The following RHBDL3 variants were observed in gnomAD, a reference collection of about 807,000 sequenced individuals.
RHBDL3 encodes rhomboid like 3, also known as rhomboid-related protein 3.
In RHBDL3, 28 loss-of-function variants were observed where a neutral mutation model predicts 48.2. The observed-to-expected ratio is 0.58, with a 90% CI of 0.43 to 0.80. RHBDL3 has a LOEUF of 0.80. RHBDL3 is among the 30% of genes least tolerant of loss of function. The pLI, the probability that RHBDL3 is intolerant of heterozygous loss-of-function variation, is 0.00. For synonymous variants in RHBDL3, 208 were observed against 232.3 expected (o/e 0.90, Z 0.95); for missense variants, 464 against 542.7 (o/e 0.85, Z 1.44).
intron 5 of RHBDL3, among the ~76,000 whole-genome samples, chr17:32,295,923 AG>A (rs1384807301): frequency 6.6e-6 from 1 of 152,200 alleles, no homozygotes; most frequent in Non-Finnish European, 1.5e-5. Flanking sequence ...AGGTGTTCAC[AG>A]GGTCAGAAAA....
At chr17:32,286,043 C>T (rs1028143878) in intron 3 of RHBDL3, among the ~76,000 whole-genome samples, 4 of 152,068 alleles carry the variant, frequency 2.6e-5, no homozygotes, top group African/African-American at 7.2e-5. Flanking sequence ...GAGCAAGGGA[C>T]AGAGCTGAGC....
intron 2 of RHBDL3, among the ~76,000 whole-genome samples, chr17:32,276,461 G>A (rs932230091): frequency 6.6e-6 from 1 of 152,168 alleles, no homozygotes; most frequent in East Asian, 1.9e-4. Flanking sequence ...ATCCATGAAA[G>A]GGCCAGAGTT....
chr17:32,304,619 A>T (rs1274625015), intron 6 of RHBDL3, among the ~76,000 whole-genome samples: 1 of 152,164 alleles, frequency 6.6e-6, no homozygotes, highest in Admixed American at 6.5e-5. Flanking sequence ...TATCCGTGTC[A>T]CCTAGGTGGC....
intron 4 of RHBDL3, among the ~76,000 whole-genome samples, chr17:32,292,188 A>C (rs1458627981): frequency 6.6e-6 from 1 of 152,156 alleles, no homozygotes; most frequent in Non-Finnish European, 1.5e-5. Context: ...CCTTTTAGAG[A>C]TTAAACAAGT....
chr17:32,280,535 C>G (rs1019732923), intron 2 of RHBDL3: 1 of 152,240 alleles, frequency 6.6e-6, no homozygotes, highest in Non-Finnish European at 1.5e-5. Context: ...AGCCACACCC[C>G]CATCACAGTA....
chr17:32,270,203 A>G (rs1003113997), intron 2 of RHBDL3, among the ~76,000 whole-genome samples: 4 of 151,336 alleles, frequency 2.6e-5, no homozygotes, highest in Non-Finnish European at 5.9e-5. Context: ...TGGATGGGAC[A>G]TGACACCTCT....
chr17:32,273,225 C>A lies in RHBDL3; in HGVS notation c.135+5300C>A, dbSNP rs182840092. Reference sequence around the variant, plus strand: ...CCACTTTGGCCAGGCTGGTCTCGAACTCCTGACCTCAGGTGATTCACCCGC... The same window carrying A: ...CCACTTTGGCCAGGCTGGTCTCGAAATCCTGACCTCAGGTGATTCACCCGC... On this transcript the variant is annotated intron_variant, in intron 2 of 8. Transcript: ENST00000269051. Among the ~76,000 whole-genome samples, 10 of 152,308 alleles carry A rather than the reference C, an allele frequency of 6.6e-5. No individual in the cohort carries two copies. In the East Asian group the frequency reaches 1.9e-3, roughly 29 times the overall value.
chr17:32,302,553 T>A (rs111983521), intron 6 of RHBDL3, among the ~76,000 whole-genome samples: 721 of 60,494 alleles, frequency 0.012, 4 homozygotes, highest in East Asian at 0.015. Flanking sequence ...ATATATATAT[T>A]TTTTTTTAGT....
intron 2 of RHBDL3, among the ~76,000 whole-genome samples, chr17:32,275,200 C>G (rs2039868148): frequency 6.6e-6 from 1 of 152,204 alleles, no homozygotes; most frequent in Admixed American, 6.5e-5. Flanking sequence ...CCTGCAGTTC[C>G]CTTGAGACTC....
chr17:32,285,012 CCCATCCTCAAGGCAGCA>C (rs1344554461), intron 3 of RHBDL3, among the ~76,000 whole-genome samples, 195 bp downstream of exon 3: 1 of 152,234 alleles, frequency 6.6e-6, no homozygotes, highest in African/African-American at 2.4e-5. Context: ...GCAGTGTCAG[CCCATCCTCAAGGCAGCA>C]CCTGGCAATT....
intron 6 of RHBDL3, among the ~76,000 whole-genome samples, chr17:32,300,880 C>CTT (rs576118492): frequency 1.6e-4 from 23 of 145,442 alleles, no homozygotes; most frequent in African/African-American, 4.0e-4. Context: ...TGCTTCTTTC[C>CTT]TTTTTTTTTT....
At chr17:32,320,610 C>T (rs1046182343) in intron 8 of RHBDL3, among the ~76,000 whole-genome samples, 2 of 152,212 alleles carry the variant, frequency 1.3e-5, no homozygotes, top group African/African-American at 4.8e-5. Flanking sequence ...AGGTGTGAGC[C>T]GCCGCACCCG....
At chr17:32,304,791 A>G (rs2040669766) in intron 6 of RHBDL3, among the ~76,000 whole-genome samples, 1 of 152,138 alleles carries the variant, frequency 6.6e-6, no homozygotes, top group African/African-American at 2.4e-5. Flanking sequence ...AAAGAATCAA[A>G]TGGTTCTTTC....
At chr17:32,283,543 T>C (rs2040118348) in intron 2 of RHBDL3, among the ~76,000 whole-genome samples, 1 of 151,964 alleles carries the variant, frequency 6.6e-6, no homozygotes, top group African/African-American at 2.4e-5. Flanking sequence ...CAGGATGGTC[T>C]CCATCTCCTG....
rs1443428088 is a variant in RHBDL3 at position 32,324,449 on chromosome 17, C to T, written c.*3220C>T. Reference sequence around the variant, plus strand: ...TCCTGGCATCATTCATGTTGCTCCCCGTGCTGGCTGGAAAGCACGGTTCTC... The same window carrying T: ...TCCTGGCATCATTCATGTTGCTCCCTGTGCTGGCTGGAAAGCACGGTTCTC... On this transcript the variant is annotated 3_prime_UTR_variant, in exon 9 of 9. Transcript: ENST00000269051. 2 of 152,716 alleles carry T rather than the reference C, an allele frequency of 1.3e-5. No homozygotes were observed. Among genetic ancestry groups the T allele is most frequent in the South Asian group, 2.1e-4 (1 of 4,820 alleles). 9.5% of individuals were successfully genotyped at this position (152,716 alleles called of 1,614,324 possible). A position where few individuals can be genotyped will look rare whatever the true frequency, so the allele number is the denominator to read the frequency against.
At position 32,298,072 on chromosome 17, in the gene RHBDL3, G is replaced by C; in HGVS notation, c.669-20G>C. ...AATGAATGAATAGATGAATGAGTGA[G>C]TGTGGTCTCTCTGTCACAGGATAGA... On this transcript the variant is annotated intron_variant, in intron 5 of 8. Transcript: ENST00000269051. The C allele has an allele frequency of 6.7e-7, 1 of 1,481,600 alleles. No individual in the cohort carries two copies. Among genetic ancestry groups the C allele is most frequent in the Non-Finnish European group, 9.4e-7 (1 of 1,060,926 alleles). 91.8% of individuals were successfully genotyped at this position (1,481,600 alleles called of 1,614,324 possible).
rs745525152 is a variant in RHBDL3, at chr17:32,321,046, G to C, written c.1032G>C (p.Leu344Phe). Residue 344 changes from leucine to phenylalanine, a missense_variant, in exon 9 of 9, where the codon TTG becomes TTC. Transcript: ENST00000269051. The part of the protein sequence containing the change: ...PCPHPSFVAH[L>F]GGVAVGITLG... ...CTCACCCAAGCTTTGTGGCGCACTTGGGTGGCGTGGCCGTGGGCATCACCC... is the reference window on the plus strand; with the variant it reads ...CTCACCCAAGCTTTGTGGCGCACTTCGGTGGCGTGGCCGTGGGCATCACCC... 2 of 1,614,122 alleles carry C rather than the reference G, an allele frequency of 1.2e-6. No individual in the cohort carries two copies. Among genetic ancestry groups the C allele is most frequent in the African/African-American group, 2.7e-5 (2 of 74,954 alleles).
At chr17:32,298,020 G>A (rs1295724519) in intron 5 of RHBDL3, 72 bp from the exon 6 acceptor site, 2 of 1,108,224 alleles carry the variant, frequency 1.8e-6, no homozygotes, top group African/African-American at 3.1e-5. Context: ...GGGGGATGCA[G>A]GTGTTTGTTG....
chr17:32,279,425 C>G (rs1371235043), intron 2 of RHBDL3, among the ~76,000 whole-genome samples: 1 of 152,202 alleles, frequency 6.6e-6, no homozygotes, highest in Non-Finnish European at 1.5e-5. Context: ...CCCTAGAACT[C>G]TGCAGCGTAG....
Sources: allele counts gnomAD v4.1 joint callset (sites outside exome capture counted in the v4.1 genomes callset), GRCh38; gene constraint gnomAD v4.1.1; transcripts MANE v1.5; gene names NCBI Gene and HGNC (gene_info 2026-07-23, HGNC 2026-07-21).